The following CDH13 variants were observed in gnomAD, a reference collection of about 807,000 sequenced individuals.
CDH13 encodes the protein cadherin-13.
A neutral mutation model predicts 63.8 loss-of-function variants in CDH13; 24 were observed. The ratio of observed to expected loss-of-function variants is 0.38; its 90% CI spans 0.27 to 0.53. The LOEUF (loss-of-function observed/expected upper bound fraction) is 0.53, where lower values mean the gene tolerates loss of function less well. Ranked by LOEUF, CDH13 falls within the 20% of genes least tolerant of loss-of-function variation. CDH13 has a pLI of 0.85. For missense variants in CDH13, 1,049 were observed against 903.1 expected, an observed-to-expected ratio of 1.16 and a Z score of -2.07; for synonymous variants, 503 against 355.3, an observed-to-expected ratio of 1.42 and a Z score of -4.67.
Position 83,218,437 on chromosome 16 carries a change from G to A in CDH13, c.636+940G>A, listed in dbSNP as rs540004826. Among the ~76,000 whole-genome samples the A allele has an allele frequency of 1.9e-3, 291 of 151,692 alleles. 3 individuals are homozygous for A. The highest frequency in any genetic ancestry group is 6.7e-3 in the African/African-American group (277 of 41,172). ...GTCACCTGTCAATGAGAACTGAAAC[G>A]TGAGCCATGAGTCCCAACTTATACT... On this transcript the variant is annotated intron_variant, in intron 5 of 13. Coordinates refer to ENST00000567109, the MANE Select transcript of CDH13 (RefSeq NM_001257.5).
At chr16:82,634,119 G>T (rs967661174) in intron 1 of CDH13, among the ~76,000 whole-genome samples, 1 of 152,240 alleles carries the variant, frequency 6.6e-6, no homozygotes, top group Non-Finnish European at 1.5e-5. Flanking sequence ...CGCAGCCCGG[G>T]CTGGGGCGGA....
intron 1 of CDH13, among the ~76,000 whole-genome samples, 170 bp downstream of exon 1, chr16:82,627,307 C>A (rs541481961): frequency 1.3e-5 from 2 of 151,514 alleles, no homozygotes; most frequent in Admixed American, 1.3e-4. Context: ...TCCTAGGCAC[C>A]CCCCACACAC....
At chr16:83,046,298 A>C (rs1051297880) in intron 3 of CDH13, among the ~76,000 whole-genome samples, 3 of 152,296 alleles carry the variant, frequency 2.0e-5, no homozygotes, top group African/African-American at 7.2e-5. Context: ...TTAGGTAGGA[A>C]GTAGCAACCA....
At chr16:83,449,558 C>A (rs1245638424) in intron 6 of CDH13, among the ~76,000 whole-genome samples, 1 of 152,134 alleles carries the variant, frequency 6.6e-6, no homozygotes, top group Non-Finnish European at 1.5e-5. Context: ...GATTTCCAGT[C>A]CTTGGAATTT....
At chr16:83,143,932 C>G (rs1361262986) in intron 4 of CDH13, among the ~76,000 whole-genome samples, 4 of 152,048 alleles carry the variant, frequency 2.6e-5, no homozygotes, top group Admixed American at 1.3e-4. Flanking sequence ...GGTCTAGAAT[C>G]AACATAGTGA....
intron 4 of CDH13, among the ~76,000 whole-genome samples, chr16:83,215,833 C>T (rs547033907): frequency 1.3e-5 from 2 of 152,282 alleles, no homozygotes; most frequent in East Asian, 1.9e-4. Flanking sequence ...TTATTGTGTT[C>T]ATGACCTTTC....
chr16:83,411,583 T>C (rs906774080), intron 6 of CDH13, among the ~76,000 whole-genome samples: 10 of 152,340 alleles, frequency 6.6e-5, no homozygotes, highest in Admixed American at 2.0e-4. Context: ...TACCATTCAT[T>C]TGGCACACAG....
intron 6 of CDH13, among the ~76,000 whole-genome samples, chr16:83,456,859 G>T (rs1247274069): frequency 6.6e-6 from 1 of 152,200 alleles, no homozygotes; most frequent in Admixed American, 6.5e-5. Flanking sequence ...CTACTCAGGA[G>T]GCTGAGGCAG....
At chr16:83,617,680 G>A (rs1219110967) in intron 8 of CDH13, among the ~76,000 whole-genome samples, 1 of 150,952 alleles carries the variant, frequency 6.6e-6, no homozygotes, top group South Asian at 2.1e-4. Context: ...AATATCTATT[G>A]TAATATGCAC....
At chr16:83,003,976 A>C (rs911421958) in intron 2 of CDH13, among the ~76,000 whole-genome samples, 1 of 152,242 alleles carries the variant, frequency 6.6e-6, no homozygotes, top group African/African-American at 2.4e-5. Context: ...TCGTATTAAC[A>C]AAGGAAGAGG....
intron 10 of CDH13, among the ~76,000 whole-genome samples, chr16:83,715,218 C>T (rs1454604997): frequency 6.6e-6 from 1 of 152,184 alleles, no homozygotes; most frequent in East Asian, 1.9e-4. Flanking sequence ...GGGCTATTCC[C>T]GTACATAGTG....
At chr16:82,823,657 A>G (rs1246433900) in intron 1 of CDH13, 1 of 152,224 alleles carries the variant, frequency 6.6e-6, no homozygotes, top group African/African-American at 2.4e-5. Flanking sequence ...ATTTTCAATA[A>G]TACTGCTTTT....
chr16:83,048,693 T>C (rs2029920582), intron 3 of CDH13, among the ~76,000 whole-genome samples: 1 of 152,172 alleles, frequency 6.6e-6, no homozygotes, highest in Admixed American at 6.5e-5. Flanking sequence ...CTCCTTTTCA[T>C]GACATATCCC....
intron 1 of CDH13, among the ~76,000 whole-genome samples, chr16:82,634,636 A>G (rs997468043): frequency 6.6e-6 from 1 of 152,212 alleles, no homozygotes; most frequent in African/African-American, 2.4e-5. Context: ...TTGTGCTATA[A>G]CAACAGAGTT....
At chr16:83,253,198 G>A (rs1191829300) in intron 5 of CDH13, among the ~76,000 whole-genome samples, 2 of 152,178 alleles carry the variant, frequency 1.3e-5, no homozygotes, top group East Asian at 1.9e-4. Context: ...AGTCCTCCAA[G>A]ATGGATTTAT....
In CDH13 at chr16:83,135,610, G is replaced by T. The variant is rs1344988484; in HGVS notation, c.483+10109G>T. On this transcript the variant is annotated intron_variant, in intron 4 of 13. Coordinates refer to ENST00000567109, the MANE Select transcript of CDH13 (RefSeq NM_001257.5). ...ATGAGTTAAGCCACTATGGAAAACA[G>T]TGTGGAGATTCCTGAAAGAACTAAA... Among the ~76,000 whole-genome samples the T allele has an allele frequency of 3.3e-5, 5 of 152,216 alleles. No individual in the cohort carries two copies. In the South Asian group the frequency reaches 6.2e-4, roughly 19 times the overall value.
At chr16:83,215,916 T>G (rs1382513981) in intron 4 of CDH13, among the ~76,000 whole-genome samples, 1 of 152,152 alleles carries the variant, frequency 6.6e-6, no homozygotes, top group African/African-American at 2.4e-5. Flanking sequence ...GATGAATACT[T>G]GAGGGTAAAC....
At chr16:83,081,715 G>C (rs1419575666) in intron 3 of CDH13, among the ~76,000 whole-genome samples, 2 of 152,048 alleles carry the variant, frequency 1.3e-5, no homozygotes, top group Admixed American at 6.5e-5. Context: ...GAAAGAGAGA[G>C]AGAGAAAGAG....
At chr16:83,021,055 G>T (rs2151454801) in intron 2 of CDH13, among the ~76,000 whole-genome samples, 2 of 152,328 alleles carry the variant, frequency 1.3e-5, no homozygotes, top group Non-Finnish European at 2.9e-5. Context: ...ACGTGTGCCA[G>T]TCATGAAAAT....
Sources: allele counts gnomAD v4.1 joint callset (sites outside exome capture counted in the v4.1 genomes callset), GRCh38; gene constraint gnomAD v4.1.1; transcripts MANE v1.5; gene names NCBI Gene and HGNC (gene_info 2026-07-23, HGNC 2026-07-21).